Variants in ATG9B observed in about 807,000 individuals in gnomAD.
The protein encoded by ATG9B is autophagy-related protein 9B.
A neutral mutation model predicts 92.9 loss-of-function variants in ATG9B; 92 were observed. That is an observed-to-expected ratio of 0.99 (90% CI 0.84 to 1.18). The LOEUF is 1.18. ATG9B is among the 50% of genes most tolerant of loss of function. The pLI is 0.00. For synonymous variants in ATG9B, 599 were observed against 551.4 expected (o/e 1.09, Z -1.21); for missense variants, 1,344 against 1,235.0 (o/e 1.09, Z -1.32).
downstream of ATG9B, chr7:151,013,946 G>A (rs200886969): frequency 5.6e-6 from 9 of 1,601,772 alleles, no homozygotes; most frequent in East Asian, 6.8e-5. Context: ...GGGCCTGAGC[G>A]TGCGGGGTTC....
intron 10 of ATG9B, 61 bp downstream of exon 10, chr7:151,016,627 C>G (rs1795499670): frequency 6.5e-7 from 1 of 1,546,682 alleles, no homozygotes; most frequent in Non-Finnish European, 8.7e-7. Flanking sequence ...CAGCTCCCCA[C>G]TCCTACAGGA....
At chr7:151,013,922 C>T (rs761869672), downstream of ATG9B, 5 of 1,597,842 alleles carry the variant, frequency 3.1e-6, no homozygotes, top group South Asian at 5.6e-5. Context: ...GCTGCGGGTG[C>T]GGAGGGGCGG....
At chr7:151,013,777 G>T, downstream of ATG9B, 1 of 1,611,632 alleles carries the variant, frequency 6.2e-7, no homozygotes, top group Non-Finnish European at 8.5e-7. Context: ...TGCACCGCGT[G>T]CTGTGCCTCG....
At position 151,019,205 on chromosome 7, in the gene ATG9B, G is replaced by C. The variant is rs745654290; in HGVS notation, c.1133C>G (p.Pro378Arg). Residue 378 changes from proline to arginine, a missense_variant, in exon 6 of 14, where the codon CCG becomes CGG. Coordinates refer to ENST00000639579, the MANE Select transcript of ATG9B (RefSeq NM_001317056.2). Reference protein sequence around the residue: ...QVALANKGLLPARCPLPWGGS... With the variant: ...QVALANKGLLRARCPLPWGGS... The stretch of plus-strand genomic sequence containing the variant: ...TCCCCAGGGCAGCGGGCAGCGGGCC[G>C]GCAGCAGGCCTTTGTTGGCCAGCGC... 16 of 1,539,000 alleles carry C rather than the reference G, an allele frequency of 1.0e-5. No individual in the cohort carries two copies. The highest frequency in any genetic ancestry group is 1.7e-4 in the Middle Eastern group (1 of 5,946).
At chr7:151,022,987 T>C (rs1298957505) in intron 4 of ATG9B, 58 bp downstream of exon 4, 5 of 1,604,916 alleles carry the variant, frequency 3.1e-6, no homozygotes, top group African/African-American at 2.7e-5. Context: ...GGCTCCCGTC[T>C]ACTCCTCTAC....
At chr7:151,022,617 AGTGGGTGGATCACCTGAGGCC>A (rs1335230276) in intron 4 of ATG9B, among the ~76,000 whole-genome samples, 1 of 151,848 alleles carries the variant, frequency 6.6e-6, no homozygotes, top group South Asian at 2.1e-4. Flanking sequence ...GGGAGGCCAA[AGTGGGTGGATCACCTGAGGCC>A]AGGAGTTCCA....
At position 151,019,115 on chromosome 7, in the gene ATG9B, G is replaced by A. The variant is rs1795648726; in HGVS notation, c.1223C>T (p.Pro408Leu). 3 of 1,535,886 alleles carry A rather than the reference G, an allele frequency of 2.0e-6. No individual in the cohort carries two copies. The highest frequency in any genetic ancestry group is 2.6e-6 in the Non-Finnish European group (3 of 1,146,580). ...LNVDLLLFRGPFSLFRGGWEL... is the reference protein window; with the variant it reads ...LNVDLLLFRGLFSLFRGGWEL... ...CCAGCCCCCGCGGAAGAGCGAGAAG[G>A]GACCGCGGAAGAGCAGCAGGTCGAC... The change falls in exon 6 of 14, where the codon CCC becomes CTC. Residue 408 changes from proline to leucine, a missense_variant. Coordinates refer to ENST00000639579, the MANE Select transcript of ATG9B (RefSeq NM_001317056.2).
downstream of ATG9B, chr7:151,012,475 G>A (rs752465137): frequency 4.3e-6 from 7 of 1,612,022 alleles, no homozygotes; most frequent in East Asian, 8.9e-5. Context: ...GAGCAAAGGT[G>A]AGGCTGGGGA....
chr7:151,019,429 C>T lies in ATG9B; in HGVS notation c.964-55G>A, dbSNP rs571887806. The T allele has an allele frequency of 1.8e-4, 266 of 1,485,014 alleles. 1 individual carries two copies. In the African/African-American group the frequency reaches 3.3e-3, roughly 19 times the overall value. 92.0% of individuals were successfully genotyped at this position (1,485,014 alleles called of 1,614,324 possible). A position where few individuals can be genotyped will look rare whatever the true frequency, so the allele number is the denominator to read the frequency against. ...CCCCCCATTCCTCTCCACAGTGATG[C>T]TCAAGCTCCACACCCCTAAGTGTGC... On this transcript the variant is annotated intron_variant, in intron 5 of 13. Coordinates refer to ENST00000639579, the MANE Select transcript of ATG9B (RefSeq NM_001317056.2).
Position 151,017,079 on chromosome 7 carries a change from C to T in ATG9B, c.2246G>A (p.Gly749Asp). Reference protein sequence around the residue: ...AAAWGATSARGPSTPGVLSNC... With the variant: ...AAAWGATSARDPSTPGVLSNC... ...GCTGAGCACCCCCGGGGTGGAGGGG[C>T]CGCGAGCCGAGGTGGCACCCCAGGC... Residue 749 changes from glycine to aspartate, a missense_variant, in exon 9 of 14, where the codon GGC becomes GAC. Coordinates refer to ENST00000639579, the MANE Select transcript of ATG9B (RefSeq NM_001317056.2). The T allele has an allele frequency of 1.2e-6, 2 of 1,607,398 alleles. No homozygotes were observed. The highest frequency in any genetic ancestry group is 1.7e-6 in the Non-Finnish European group (2 of 1,177,568).
In ATG9B at chr7:151,016,131, C is replaced by T; in HGVS notation, c.2625G>A (p.Glu875=). The T allele has an allele frequency of 2.6e-6, 4 of 1,539,332 alleles. No individual in the cohort carries two copies. Among genetic ancestry groups the T allele is most frequent in the Non-Finnish European group, 3.5e-6 (4 of 1,140,102 alleles). The change falls in exon 12 of 14, where the codon GAG becomes GAA. Residue 875 remains glutamate (E), a synonymous_variant. Transcript: ENST00000639579. The part of the protein sequence containing the change: ...SPSQPPSPDE[E]KPSWSSDGSS... The stretch of plus-strand genomic sequence containing the variant: ...CACCGTCACTTGACCAGGATGGCTT[C>T]TCCTCATCAGGCGAGGGTGGCTGTG...
downstream of ATG9B, chr7:151,013,790 C>T (rs757784663): frequency 6.2e-7 from 1 of 1,611,178 alleles, no homozygotes; most frequent in Admixed American, 1.7e-5. Flanking sequence ...GTGCCTCGAG[C>T]GGGGCCACAT....
Position 151,019,107 on chromosome 7 carries a change from G to A in ATG9B, c.1231C>T (p.Leu411Phe), listed in dbSNP as rs1795648366. ...DLLLFRGPFS[L>F]FRGGWELPHA... ...GGCAGCTCCCAGCCCCCGCGGAAGA[G>A]CGAGAAGGGACCGCGGAAGAGCAGC... The change falls in exon 6 of 14, where the codon CTC (leucine) becomes TTC (phenylalanine). Residue 411 changes from leucine to phenylalanine, a missense_variant. Physicochemically the swap from Leu to Phe is conservative, Grantham distance 22. Coordinates refer to ENST00000639579, the MANE Select transcript of ATG9B (RefSeq NM_001317056.2). 2.0e-6 allele frequency: 3 copies of A among 1,535,950 alleles called. No individual in the cohort carries two copies. The highest frequency in any genetic ancestry group is 2.6e-6 in the Non-Finnish European group (3 of 1,146,588).
downstream of ATG9B, chr7:151,012,215 T>G: frequency 1.0e-5 from 7 of 686,086 alleles, no homozygotes; most frequent in East Asian, 3.0e-5. Context: ...AGAGTTGTTT[T>G]TTGTTTTTTG....
chr7:151,012,815 C>T (rs369531352), downstream of ATG9B: 1 of 338,198 alleles, frequency 3.0e-6, no homozygotes, highest in African/African-American at 2.1e-5. Flanking sequence ...CCTAAGGATG[C>T]TACAAGGTGT....
Position 151,017,041 on chromosome 7 carries a change from G to C in ATG9B, c.2284C>G (p.Pro762Ala). The C allele has an allele frequency of 1.9e-6, 3 of 1,587,298 alleles. No individual in the cohort carries two copies. The highest frequency in any genetic ancestry group is 2.6e-6 in the Non-Finnish European group (3 of 1,167,184). Residue 762 changes from proline to alanine, a missense_variant, in exon 9 of 14, where the codon CCC becomes GCC. Transcript: ENST00000639579. ...AGGCCAGGCTTGGGACTCACCAGGG[G>C]CGAGGTGCAGTTGCTGAGCACCCCC... ...TPGVLSNCTS[P>A]LPEAFLANLF...
intron 4 of ATG9B, among the ~76,000 whole-genome samples, chr7:151,022,285 G>A (rs916549909): frequency 7.5e-5 from 11 of 147,584 alleles, no homozygotes; most frequent in East Asian, 2.0e-4. Flanking sequence ...CTGCAGGTAC[G>A]CACCACCAAG....
At chr7:151,013,190 G>A, downstream of ATG9B, 1 of 1,589,662 alleles carries the variant, frequency 6.3e-7, no homozygotes, top group Non-Finnish European at 8.6e-7. Context: ...CTAGCACTGT[G>A]CCCCGGAGAA....
At position 151,018,983 on chromosome 7, in the gene ATG9B, A is replaced by C. The variant is rs771571974; in HGVS notation, c.1355T>G (p.Leu452Arg). ...LAALNLALSP[L>R]VLAWQVLHVF... ...GTGCAGAACCTGCCAGGCCAGCACC[A>C]GCGGGCTCAGCGCCAGGTTCAGGGC... Residue 452 changes from leucine to arginine, a missense_variant, in exon 6 of 14, where the codon CTG (leucine) becomes CGG (arginine). Coordinates refer to ENST00000639579, the MANE Select transcript of ATG9B (RefSeq NM_001317056.2). This position sits in a 1 kb window ranked among gnomAD's most constrained non-coding sequence, Gnocchi z 4.7. 10 of 1,577,712 alleles carry C rather than the reference A, an allele frequency of 6.3e-6. No homozygotes were observed. The South Asian group carries it at 1.1e-4, about 18-fold the overall frequency.
Sources: allele counts gnomAD v4.1 joint callset (sites outside exome capture counted in the v4.1 genomes callset), GRCh38; gene constraint gnomAD v4.1.1; non-coding constraint Gnocchi (gnomAD v3.1); transcripts MANE v1.5; gene names NCBI Gene and HGNC (gene_info 2026-07-23, HGNC 2026-07-21).